Variants in OSBPL5 observed in about 807,000 individuals in gnomAD.
OSBPL5 encodes oxysterol binding protein like 5, also known as oxysterol-binding protein-related protein 5.
In OSBPL5, 71 loss-of-function variants were observed where a neutral mutation model predicts 111.2. The ratio of observed to expected loss-of-function variants is 0.64; its 90% confidence interval spans 0.53 to 0.78. The LOEUF is 0.78. OSBPL5 is among the 30% of genes least tolerant of loss of function. The pLI is 0.00. For missense variants in OSBPL5, 1,210 were observed against 1,189.3 expected, an observed-to-expected ratio of 1.02 and a Z score of -0.26; for synonymous variants, 549 against 513.9, an observed-to-expected ratio of 1.07 and a Z score of -0.93.
At chr11:3,090,028 G>A in intron 20 of OSBPL5, 80 bp from the exon 21 acceptor site, 1 of 1,097,874 alleles carries the variant, frequency 9.1e-7, no homozygotes, top group Non-Finnish European at 1.3e-6. Flanking sequence ...CTGGCACGTG[G>A]GTCACAGGGT....
chr11:3,124,939 A>C (rs1858559565), intron 3 of OSBPL5, among the ~76,000 whole-genome samples: 1 of 152,192 alleles, frequency 6.6e-6, no homozygotes, highest in Non-Finnish European at 1.5e-5. Flanking sequence ...GAGAGAGGCA[A>C]GACCGCATGG....
intron 1 of OSBPL5, among the ~76,000 whole-genome samples, chr11:3,147,093 A>G (rs917818660): frequency 6.8e-6 from 1 of 147,250 alleles, no homozygotes; most frequent in African/African-American, 2.5e-5. Flanking sequence ...ACTTTTCCCC[A>G]AGGCAGAACC....
chr11:3,141,113 C>CAAT lies in OSBPL5; in HGVS notation c.-21-11945_-21-11944insATT, dbSNP rs397699550. On this transcript the variant is annotated intron_variant, in intron 1 of 21. Transcript: ENST00000263650. The surrounding 1 kb of genome is among the most constrained non-coding windows in gnomAD (Gnocchi z 6.5). Reference sequence around the variant, plus strand: ...AAAAACCACCTAACAACAGAAACAACGTCAACCCATAAAGCCTCATTCCAG... The same window carrying CAAT: ...AAAAACCACCTAACAACAGAAACAACAATGTCAACCCATAAAGCCTCATTCCAG... Among the ~76,000 whole-genome samples, 2 of 151,748 alleles carry CAAT rather than the reference C, an allele frequency of 1.3e-5. No individual in the cohort carries two copies. Among genetic ancestry groups the CAAT allele is most frequent in the East Asian group, 1.9e-4 (1 of 5,186 alleles).
chr11:3,131,891 ACCCTCCCTCCC>A (rs1845817266), intron 1 of OSBPL5, among the ~76,000 whole-genome samples: 3 of 103,586 alleles, frequency 2.9e-5, no homozygotes, highest in African/African-American at 1.0e-4. Flanking sequence ...CCATCCACCC[ACCCTCCCTCCC>A]TTTCAGGCAT....
intron 1 of OSBPL5, among the ~76,000 whole-genome samples, chr11:3,145,865 C>A (rs1846324763): frequency 6.6e-6 from 1 of 152,188 alleles, no homozygotes; most frequent in South Asian, 2.1e-4. Flanking sequence ...AACTTTGTTA[C>A]CTGGAGGAAA....
intron 14 of OSBPL5, among the ~76,000 whole-genome samples, chr11:3,098,255 C>A (rs138062382): frequency 6.7e-6 from 1 of 150,144 alleles, no homozygotes; most frequent in Non-Finnish European, 1.5e-5. Context: ...ATAAGAGATA[C>A]GATGGAAACA....
rs371907970 is a variant in OSBPL5 at position 3,116,854 on chromosome 11, C to CAAAA, written c.691+2689_691+2692dup. 7.6e-4 allele frequency among the ~76,000 whole-genome samples: 57 copies of CAAAA among 75,478 alleles called. 1 individual carries two copies. The highest frequency in any genetic ancestry group is 1.2e-3 in the African/African-American group (27 of 22,064). The allele number at this position is 75,478 out of a possible 152,430, so 49.5% of individuals were successfully genotyped here. On this transcript the variant is annotated intron_variant, in intron 7 of 21. Transcript: ENST00000263650. ...TGGGCAACAGAGTGAGACTCCATCA[C>CAAAA]AAAAAAAAAAAAAAAAAAGAAGTGT...
chr11:3,109,505 T>C lies in OSBPL5; in HGVS notation c.692-1560A>G, dbSNP rs1295795431. On this transcript the variant is annotated intron_variant, in intron 7 of 21. Transcript: ENST00000263650. The surrounding 1 kb of genome is among the most constrained non-coding windows in gnomAD (Gnocchi z 7.4). ...TTTTCGAGCTCCTGGAGACAGTGAGTTTTTCTCCCTCACTTTGAGATCCAT... is the reference window on the plus strand; with the variant it reads ...TTTTCGAGCTCCTGGAGACAGTGAGCTTTTCTCCCTCACTTTGAGATCCAT... Among the ~76,000 whole-genome samples the C allele has an allele frequency of 6.6e-6, 1 of 151,922 alleles. No homozygotes were observed. Among genetic ancestry groups the C allele is most frequent in the Non-Finnish European group, 1.5e-5 (1 of 67,972 alleles).
rs1857725876 is a variant in OSBPL5, at chr11:3,107,157, T to C, written c.1059+106A>G. ...AGTGATGGGGACAAAAGCTACCCCC[T>C]GGGCCCTGCGTGCTCCCCCTAGGAT... On this transcript the variant is annotated intron_variant, in intron 9 of 21. Coordinates refer to ENST00000263650, the MANE Select transcript of OSBPL5 (RefSeq NM_020896.4). The surrounding 1 kb of genome is among the most constrained non-coding windows in gnomAD (Gnocchi z 6.1). 1 of 1,293,060 alleles carries C rather than the reference T, an allele frequency of 7.7e-7. No homozygotes were observed. Among genetic ancestry groups the C allele is most frequent in the African/African-American group, 1.5e-5 (1 of 67,026 alleles). 80.1% of individuals were successfully genotyped at this position (1,293,060 alleles called of 1,614,324 possible).
intron 14 of OSBPL5, 122 bp downstream of exon 14, chr11:3,100,036 A>AAG (rs1857399016): frequency 2.5e-6 from 2 of 808,738 alleles, no homozygotes; most frequent in Admixed American, 2.9e-5. Context: ...AAAAAAAAAA[A>AAG]AGTCATGGGC....
At chr11:3,159,296 T>G (rs774451297) in intron 1 of OSBPL5, among the ~76,000 whole-genome samples, 12 of 152,284 alleles carry the variant, frequency 7.9e-5, no homozygotes, top group Middle Eastern at 3.4e-3. Flanking sequence ...AGCTCGTCTT[T>G]GAGCATTAAT....
rs1856908535 is a variant in OSBPL5, at chr11:3,087,429, CTG to C, written c.*774_*775del. 6.5e-6 allele frequency: 1 copy of C among 154,540 alleles called. No homozygotes were observed. Among genetic ancestry groups the C allele is most frequent in the Admixed American group, 6.5e-5 (1 of 15,292 alleles). 9.6% of individuals were successfully genotyped at this position (154,540 alleles called of 1,614,324 possible). ...ATTAAAAAAGTGTAAAATGGGAAGA[CTG>C]TGCATCGGTCTGAGTAAAGTGGCGA... On this transcript the variant is annotated 3_prime_UTR_variant, in exon 22 of 22. Transcript: ENST00000263650.
chr11:3,089,861 TG>T lies in OSBPL5; in HGVS notation c.2485del (p.Gln829SerfsTer12). 1 of 1,562,358 alleles carries T rather than the reference TG, an allele frequency of 6.4e-7. No individual in the cohort carries two copies. Among genetic ancestry groups the T allele is most frequent in the South Asian group, 1.2e-5 (1 of 84,800 alleles). On this transcript the variant is annotated frameshift_variant, in exon 21 of 22. Transcript: ENST00000263650. LOFTEE classifies it high-confidence loss of function. ...HEAILSIREA[Q>X]QELHRHLSAM... ...TGTGGCCCACCTGTGCAGCTCCTGC[TG>T]GGCCTCTCGGATGGAGAGGATGGCC...
chr11:3,107,185 G>T lies in OSBPL5; in HGVS notation c.1059+78C>A. On this transcript the variant is annotated intron_variant, in intron 9 of 21. Transcript: ENST00000263650. The surrounding 1 kb of genome is among the most constrained non-coding windows in gnomAD (Gnocchi z 6.1). ...GCCCTGCGTGCTCCCCCTAGGATGA[G>T]GCATGGCTACCTCTGCTTCCGGAAC... is the stretch of plus-strand genomic sequence containing the variant. 2 of 1,517,910 alleles carry T rather than the reference G, an allele frequency of 1.3e-6. No homozygotes were observed. The highest frequency in any genetic ancestry group is 1.4e-5 in the African/African-American group (1 of 71,980). 94.0% of individuals were successfully genotyped at this position (1,517,910 alleles called of 1,614,324 possible). A position where few individuals can be genotyped will look rare whatever the true frequency, so the allele number is the denominator to read the frequency against.
intron 14 of OSBPL5, among the ~76,000 whole-genome samples, chr11:3,099,299 G>T (rs1361835348): frequency 6.6e-6 from 1 of 152,192 alleles, no homozygotes; most frequent in African/African-American, 2.4e-5. Flanking sequence ...TGTGGTAATG[G>T]CAGATACATG....
At chr11:3,098,203 A>G (rs1038091139) in intron 14 of OSBPL5, among the ~76,000 whole-genome samples, 1 of 152,074 alleles carries the variant, frequency 6.6e-6, no homozygotes, top group African/African-American at 2.4e-5. Flanking sequence ...AGTTAATTAG[A>G]GTTAAAGATA....
intron 1 of OSBPL5, among the ~76,000 whole-genome samples, chr11:3,144,498 G>A (rs528256479): frequency 3.8e-4 from 58 of 152,264 alleles, no homozygotes; most frequent in Non-Finnish European, 6.3e-4. Flanking sequence ...GCCAGGCTCC[G>A]TGGCCGGGAC....
chr11:3,160,641 C>T (rs886559698), intron 1 of OSBPL5, among the ~76,000 whole-genome samples: 1 of 151,926 alleles, frequency 6.6e-6, no homozygotes, highest in African/African-American at 2.4e-5. Flanking sequence ...CTCTGCTGAC[C>T]ATCCCCAAAG....
At chr11:3,103,833 A>AGCCCCCTTCCT (rs1857583286) in intron 10 of OSBPL5, among the ~76,000 whole-genome samples, 28 of 79,266 alleles carry the variant, frequency 3.5e-4, no homozygotes, top group African/African-American at 1.1e-3. Context: ...GCCCCCTTCC[A>AGCCCCCTTCCT]GCCTCTGCAG....
Sources: allele counts gnomAD v4.1 joint callset (sites outside exome capture counted in the v4.1 genomes callset), GRCh38; gene constraint gnomAD v4.1.1; non-coding constraint Gnocchi (gnomAD v3.1); transcripts MANE v1.5; gene names NCBI Gene and HGNC (gene_info 2026-07-23, HGNC 2026-07-21).